IL1RL2: variants seen among roughly 807,000 people sequenced by gnomAD.
The protein encoded by IL1RL2 is interleukin-1 receptor-like 2.
A neutral mutation model predicts 66.8 loss-of-function variants in IL1RL2; 68 were observed. That is an observed-to-expected ratio of 1.02 (90% CI 0.84 to 1.25). The LOEUF (loss-of-function observed/expected upper bound fraction) is 1.25, where lower values mean the gene tolerates loss of function less well. Among genes scored for constraint, IL1RL2 ranks in the 50% most tolerant of loss-of-function variants. The pLI, the probability that IL1RL2 is intolerant of heterozygous loss-of-function variation, is 0.00. For missense variants in IL1RL2, 729 were observed against 709.3 expected (o/e 1.03, Z -0.32); for synonymous variants, 305 against 264.6 (o/e 1.15, Z -1.48).
At chr2:102,212,246 A>G (rs1689235995) in intron 6 of IL1RL2, 72 bp downstream of exon 6, 1 of 1,101,932 alleles carries the variant, frequency 9.1e-7, no homozygotes, top group Non-Finnish European at 1.4e-6. Context: ...TCTGGTGAAT[A>G]TTTTGAATGT....
chr2:102,232,852 G>C, intron 9 of IL1RL2, 111 bp from the exon 10 acceptor site: 1 of 1,251,618 alleles, frequency 8.0e-7, no homozygotes, highest in Non-Finnish European at 1.1e-6. Context: ...GCACTCAGAA[G>C]TCATGGAACC....
chr2:102,187,905 TTCCACTG>T lies in IL1RL2; in HGVS notation c.41_47del (p.Pro14LeufsTer12), dbSNP rs780855639. On this transcript the variant is annotated frameshift_variant, in exon 2 of 12. Coordinates refer to ENST00000264257, the MANE Select transcript of IL1RL2 (RefSeq NM_003854.4). LOFTEE classifies it high-confidence loss of function. ...CTGCTCTGCGGGTTGTCCATCGCCC[TTCCACTG>T]TCTGTCACAGCAGGTACGTTCCGTG... is the stretch of plus-strand genomic sequence containing the variant. 3.1e-6 allele frequency: 5 copies of T among 1,607,904 alleles called. No individual in the cohort carries two copies. Among genetic ancestry groups the T allele is most frequent in the Non-Finnish European group, 4.3e-6 (5 of 1,176,182 alleles).
intron 1 of IL1RL2, 64 bp downstream of exon 1, chr2:102,187,150 T>A: frequency 7.9e-7 from 1 of 1,272,518 alleles, no homozygotes; most frequent in South Asian, 1.2e-5. Flanking sequence ...GTAGGAGAGG[T>A]GTGCAGGAAA....
chr2:102,231,318 C>T (rs530701786), intron 9 of IL1RL2, among the ~76,000 whole-genome samples: 27 of 152,166 alleles, frequency 1.8e-4, no homozygotes, highest in African/African-American at 5.5e-4. Flanking sequence ...GCCAACATAA[C>T]GAAACCCCGT....
chr2:102,226,388 T>A lies in IL1RL2; in HGVS notation c.1135+347T>A, dbSNP rs540683681. ...AAACCAAAGTGCTCTCCATCCATGA[T>A]GTGTGCTCAGCACAGTGGGTACTTT... On this transcript the variant is annotated intron_variant, in intron 9 of 11. Coordinates refer to ENST00000264257, the MANE Select transcript of IL1RL2 (RefSeq NM_003854.4). Among the ~76,000 whole-genome samples, 23 of 152,326 alleles carry A rather than the reference T, an allele frequency of 1.5e-4. No homozygotes were observed. In the South Asian group the frequency reaches 4.1e-3, roughly 27 times the overall value.
chr2:102,191,367 T>C (rs1361742207), intron 3 of IL1RL2, among the ~76,000 whole-genome samples: 1 of 152,234 alleles, frequency 6.6e-6, no homozygotes, highest in Admixed American at 6.5e-5. Flanking sequence ...ATAATCTATA[T>C]TCTAATCTTA....
chr2:102,239,733 G>C lies in IL1RL2; in HGVS notation c.*492G>C, dbSNP rs1675165889. ...TGGGGGGTATCCCCACGTCATGGTGGATGAGAGCTGGGGGAATCACCATGT... is the reference window on the plus strand; with the variant it reads ...TGGGGGGTATCCCCACGTCATGGTGCATGAGAGCTGGGGGAATCACCATGT... On this transcript the variant is annotated 3_prime_UTR_variant, in exon 12 of 12. Coordinates refer to ENST00000264257, the MANE Select transcript of IL1RL2 (RefSeq NM_003854.4). 2 of 175,062 alleles carry C rather than the reference G, an allele frequency of 1.1e-5. No homozygotes were observed. The highest frequency in any genetic ancestry group is 1.1e-4 in the Admixed American group (2 of 18,190). The allele number at this position is 175,062 out of a possible 1,614,324, so 10.8% of individuals were successfully genotyped here. A position where few individuals can be genotyped will look rare whatever the true frequency, so the allele number is the denominator to read the frequency against.
chr2:102,197,570 T>C (rs2104743018), intron 4 of IL1RL2, among the ~76,000 whole-genome samples: 1 of 152,320 alleles, frequency 6.6e-6, no homozygotes, highest in South Asian at 2.1e-4. Context: ...AAAATGACCA[T>C]ACCACCTTAC....
chr2:102,201,438 T>A, intron 4 of IL1RL2, 118 bp from the exon 5 acceptor site: 2 of 842,352 alleles, frequency 2.4e-6, no homozygotes, highest in Non-Finnish European at 3.8e-6. Flanking sequence ...ATTTTTCTAT[T>A]TACCTAGCTA....
intron 5 of IL1RL2, among the ~76,000 whole-genome samples, chr2:102,208,204 T>G (rs1688860908): frequency 6.6e-6 from 1 of 152,206 alleles, no homozygotes; most frequent in Non-Finnish European, 1.5e-5. Flanking sequence ...CTATGAGTGA[T>G]TTTTGGTTCT....
chr2:102,236,044 T>C (rs1674850899), intron 11 of IL1RL2: 9 of 667,586 alleles, frequency 1.3e-5, no homozygotes, highest in Non-Finnish European at 1.7e-5. Context: ...ACACAGATGA[T>C]AGAATTATAG....
chr2:102,220,735 AAGAG>A (rs3074969), intron 8 of IL1RL2, among the ~76,000 whole-genome samples: 42,486 of 151,840 alleles, frequency 0.28, 6,544 homozygotes, highest in East Asian at 0.38. Flanking sequence ...AGCTACATGC[AAGAG>A]AGAGGACTTG....
chr2:102,199,383 A>G (rs1421170198), intron 4 of IL1RL2, among the ~76,000 whole-genome samples: 1 of 152,184 alleles, frequency 6.6e-6, no homozygotes, highest in East Asian at 1.9e-4. Context: ...TTTTATCTCC[A>G]TCACTATTCT....
intron 6 of IL1RL2, among the ~76,000 whole-genome samples, chr2:102,213,365 A>G (rs1689343348): frequency 6.6e-6 from 1 of 152,230 alleles, no homozygotes; most frequent in Non-Finnish European, 1.5e-5. Flanking sequence ...GTAAAAATTT[A>G]TATCTAAACC....
Position 102,216,586 on chromosome 2 carries a change from G to T in IL1RL2, c.725-2367G>T, listed in dbSNP as rs36068713. 3.1e-3 allele frequency among the ~76,000 whole-genome samples: 468 copies of T among 152,034 alleles called. 1 individual carries two copies. The highest frequency in any genetic ancestry group is 9.4e-3 in the African/African-American group (390 of 41,476). The stretch of plus-strand genomic sequence containing the variant: ...TCCATTTACATTCAAGATTATTATT[G>T]ATTGGTAAGAACATGACTCCTGACA... On this transcript the variant is annotated intron_variant, in intron 6 of 11. Transcript: ENST00000264257.
chr2:102,207,239 C>G (rs900851417), intron 5 of IL1RL2, among the ~76,000 whole-genome samples: 1 of 152,106 alleles, frequency 6.6e-6, no homozygotes, highest in Admixed American at 6.5e-5. Flanking sequence ...GACCTACCCT[C>G]CCCTGTGGCT....
intron 6 of IL1RL2, among the ~76,000 whole-genome samples, chr2:102,217,003 T>G (rs541188679): frequency 6.6e-6 from 1 of 152,172 alleles, no homozygotes; most frequent in Admixed American, 6.5e-5. Context: ...AAGATTTACA[T>G]AGCGCCATTT....
At chr2:102,225,663 CG>C (rs1184577524) in intron 8 of IL1RL2, among the ~76,000 whole-genome samples, 3 of 152,072 alleles carry the variant, frequency 2.0e-5, no homozygotes, top group African/African-American at 4.8e-5. Flanking sequence ...GACTTTTACT[CG>C]TATAAGTTCC....
Position 102,217,307 on chromosome 2 carries a change from T to A in IL1RL2, c.725-1646T>A, listed in dbSNP as rs145189556. Among the ~76,000 whole-genome samples, 506 of 152,288 alleles carry A rather than the reference T, an allele frequency of 3.3e-3. 3 individuals are homozygous for A. The highest frequency in any genetic ancestry group is 0.018 in the South Asian group (86 of 4,824). ...ATCCTTTGTTCATGAATTGGAAGAA[T>A]TAATATTGTTCAAATGTCCATCCTA... On this transcript the variant is annotated intron_variant, in intron 6 of 11. Coordinates refer to ENST00000264257, the MANE Select transcript of IL1RL2 (RefSeq NM_003854.4).
Sources: allele counts gnomAD v4.1 joint callset (sites outside exome capture counted in the v4.1 genomes callset), GRCh38; gene constraint gnomAD v4.1.1; transcripts MANE v1.5; gene names NCBI Gene and HGNC (gene_info 2026-07-23, HGNC 2026-07-21).